Variants in B4GALT1 observed in about 807,000 individuals in gnomAD.
B4GALT1 encodes N-acetyllactosamine synthase.
Under a neutral mutation model 34.9 loss-of-function variants are expected in B4GALT1, and 16 were observed. That is an observed-to-expected ratio of 0.46 (90% confidence interval 0.31 to 0.70). The LOEUF (loss-of-function observed/expected upper bound fraction) is 0.70. B4GALT1 is among the 30% of genes least tolerant of loss of function. The probability of loss-of-function intolerance (pLI) is 0.05; values close to 1 mark genes in which losing one functional copy is unlikely to be tolerated. For missense variants in B4GALT1, 445 were observed against 530.5 expected, an observed-to-expected ratio of 0.84 and a Z score of 1.58; for synonymous variants, 221 against 218.1, an observed-to-expected ratio of 1.01 and a Z score of -0.12.
chr9:33,116,910 G>A (rs180974869), intron 3 of B4GALT1, among the ~76,000 whole-genome samples: 1 of 152,304 alleles, frequency 6.6e-6, no homozygotes, highest in East Asian at 1.9e-4. Flanking sequence ...GGGCTCAGAT[G>A]ACCTTAAATT....
At chr9:33,128,520 G>T (rs1840145944) in intron 2 of B4GALT1, among the ~76,000 whole-genome samples, 1 of 152,182 alleles carries the variant, frequency 6.6e-6, no homozygotes. Context: ...GGGGCACACA[G>T]CAAAGGGGCA....
intron 2 of B4GALT1, 143 bp downstream of exon 2, chr9:33,135,046 G>T: frequency 1.2e-6 from 1 of 823,398 alleles, no homozygotes; most frequent in South Asian, 1.5e-5. Flanking sequence ...ATCTGCACTG[G>T]TGGTGGCTGG....
At chr9:33,107,210 G>A (rs1183377169), downstream of B4GALT1, among the ~76,000 whole-genome samples, 3 of 152,176 alleles carry the variant, frequency 2.0e-5, no homozygotes, top group Non-Finnish European at 4.4e-5. Context: ...TGCCAAAGAC[G>A]GAAATGAGGC....
At chr9:33,113,922 C>G (rs1295559993) in intron 4 of B4GALT1, 44 bp from the exon 5 acceptor site, 4 of 1,582,676 alleles carry the variant, frequency 2.5e-6, no homozygotes, top group Non-Finnish European at 3.5e-6. Flanking sequence ...AGCTGCCATA[C>G]ACTTGGCCTG....
At chr9:33,114,850 C>T (rs752824747) in intron 4 of B4GALT1, among the ~76,000 whole-genome samples, 15 of 152,200 alleles carry the variant, frequency 9.9e-5, no homozygotes, top group Admixed American at 3.9e-4. Flanking sequence ...GCTCCACACA[C>T]CACCCATCCT....
chr9:33,126,661 C>CCATTGTTAACATTGTTAACTCTTGTT (rs1564040681), intron 2 of B4GALT1, among the ~76,000 whole-genome samples: 1 of 37,112 alleles, frequency 2.7e-5, no homozygotes, highest in Non-Finnish European at 7.9e-5. Context: ...TTAACCATAG[C>CCATTGTTAACATTGTTAACTCTTGTT]AATATGGTAG....
chr9:33,153,192 A>C (rs1473542665), intron 1 of B4GALT1, among the ~76,000 whole-genome samples: 1 of 152,226 alleles, frequency 6.6e-6, no homozygotes, highest in Non-Finnish European at 1.5e-5. Flanking sequence ...GGCTGGTATG[A>C]GTGTGAGGAA....
upstream of B4GALT1, among the ~76,000 whole-genome samples, chr9:33,172,048 T>C (rs1159748719): frequency 6.6e-6 from 1 of 152,232 alleles, no homozygotes; most frequent in African/African-American, 2.4e-5. Flanking sequence ...ATCCAGGTGT[T>C]ACCGACCAAA....
chr9:33,104,506 C>T (rs1173815403), exon 3 of B4GALT1: 2 of 275,108 alleles, frequency 7.3e-6, no homozygotes, highest in Admixed American at 4.9e-5. Context: ...AGCTTTGCCA[C>T]AGCCCAGACT....
intron 1 of B4GALT1, among the ~76,000 whole-genome samples, chr9:33,147,120 CCTCTCTAAA>C: frequency 6.6e-6 from 1 of 152,318 alleles, no homozygotes; most frequent in Middle Eastern, 3.4e-3. Context: ...AGTTTTATAA[CCTCTCTAAA>C]CTTTGTTGGT....
At position 33,113,377 on chromosome 9, in the gene B4GALT1, C is replaced by G; in HGVS notation, c.*77G>C. ...CTCAGACTGGTAAAAATGAGAGGGACCAGCCCAGCAGATTGGCAGAGACAC... is the reference window on the plus strand; with the variant it reads ...CTCAGACTGGTAAAAATGAGAGGGAGCAGCCCAGCAGATTGGCAGAGACAC... On this transcript the variant is annotated 3_prime_UTR_variant, in exon 6 of 6. Transcript: ENST00000379731. 1 of 1,605,664 alleles carries G rather than the reference C, an allele frequency of 6.2e-7. No homozygotes were observed. Among genetic ancestry groups the G allele is most frequent in the Non-Finnish European group, 8.5e-7 (1 of 1,173,424 alleles).
intron 1 of B4GALT1, among the ~76,000 whole-genome samples, chr9:33,158,663 A>G (rs1840632103): frequency 6.6e-6 from 1 of 152,130 alleles, no homozygotes; most frequent in African/African-American, 2.4e-5. Flanking sequence ...GCTAAAATCA[A>G]CGTCTGGAAG....
chr9:33,175,634 T>C, the B4GALT1 span, among the ~76,000 whole-genome samples: 1 of 152,246 alleles, frequency 6.6e-6, no homozygotes, highest in Non-Finnish European at 1.5e-5. Flanking sequence ...GTATTATTAC[T>C]GTACCTTTTC....
chr9:33,165,471 G>T (rs1052411115), intron 1 of B4GALT1, among the ~76,000 whole-genome samples: 2 of 152,144 alleles, frequency 1.3e-5, no homozygotes. Context: ...AAATGCAAAG[G>T]AATTTAATTA....
chr9:33,164,157 T>C (rs531832668), intron 1 of B4GALT1, among the ~76,000 whole-genome samples: 43 of 152,270 alleles, frequency 2.8e-4, no homozygotes, highest in African/African-American at 1.0e-3. Context: ...CCCAGACCCC[T>C]GGACACCAGA....
chr9:33,156,811 C>T (rs1355470821), intron 1 of B4GALT1, among the ~76,000 whole-genome samples: 4 of 152,082 alleles, frequency 2.6e-5, no homozygotes, highest in East Asian at 3.8e-4. Flanking sequence ...TTGATCAACA[C>T]CATTATTTTT....
At chr9:33,156,707 A>G (rs963199112) in intron 1 of B4GALT1, among the ~76,000 whole-genome samples, 1 of 152,228 alleles carries the variant, frequency 6.6e-6, no homozygotes, top group Admixed American at 6.5e-5. Context: ...CATCCACATG[A>G]GTTAAATGAT....
the B4GALT1 span, among the ~76,000 whole-genome samples, chr9:33,175,020 T>TATAA: frequency 1.4e-3 from 54 of 38,998 alleles, 7 homozygotes; most frequent in East Asian, 3.8e-3. Flanking sequence ...TATATATATA[T>TATAA]AAAATTGGAG....
At chr9:33,177,652 A>AAAAC in the B4GALT1 span, among the ~76,000 whole-genome samples, 5 of 152,356 alleles carry the variant, frequency 3.3e-5, no homozygotes, top group East Asian at 3.9e-4. Context: ...ATTGCTATGC[A>AAAAC]AAACAAACAA....
Sources: allele counts gnomAD v4.1 joint callset (sites outside exome capture counted in the v4.1 genomes callset), GRCh38; gene constraint gnomAD v4.1.1; transcripts MANE v1.5; gene names NCBI Gene and HGNC (gene_info 2026-07-23, HGNC 2026-07-21).